GALNT18: variants seen among roughly 807,000 people sequenced by gnomAD.
The protein encoded by GALNT18 is GalNAc-transferase 18.
GALNT18 carries 44 observed loss-of-function variants against 69.5 expected under a neutral mutation model. The ratio of observed to expected loss-of-function variants is 0.63; its 90% CI spans 0.50 to 0.81. The LOEUF is 0.81. GALNT18 is among the 40% of genes least tolerant of loss of function. The pLI, the probability that GALNT18 is intolerant of heterozygous loss-of-function variation, is 0.00. For missense variants in GALNT18, 715 were observed against 810.0 expected, an observed-to-expected ratio of 0.88 and a Z score of 1.42; for synonymous variants, 364 against 318.2, an observed-to-expected ratio of 1.14 and a Z score of -1.53.
intron 3 of GALNT18, among the ~76,000 whole-genome samples, chr11:11,386,488 T>A (rs533495401): frequency 5.3e-5 from 8 of 152,322 alleles, no homozygotes; most frequent in Admixed American, 2.0e-4. Flanking sequence ...ACTTGCCTGG[T>A]TCTTGAAAGC....
rs1278591763 is a variant in GALNT18 at position 11,463,095 on chromosome 11, C to T, written c.236-14159G>A. 6.6e-6 allele frequency among the ~76,000 whole-genome samples: 1 copy of T among 152,084 alleles called. No homozygotes were observed. Among genetic ancestry groups the T allele is most frequent in the East Asian group, 1.9e-4 (1 of 5,174 alleles). On this transcript the variant is annotated intron_variant, in intron 1 of 10. Transcript: ENST00000227756. The surrounding 1 kb of genome is among the most constrained non-coding windows in gnomAD (Gnocchi z 4.2). Reference sequence around the variant, plus strand: ...GTGTGGAGAGAGAGGATATCAATCACAAGACCCTGGAACTATTAGTACAGT... The same window carrying T: ...GTGTGGAGAGAGAGGATATCAATCATAAGACCCTGGAACTATTAGTACAGT...
chr11:11,362,392 T>C (rs1850662853), intron 6 of GALNT18, among the ~76,000 whole-genome samples: 1 of 152,032 alleles, frequency 6.6e-6, no homozygotes, highest in Non-Finnish European at 1.5e-5. Context: ...ACACGAGAAG[T>C]AAAATCAAGA....
At chr11:11,388,789 A>T (rs967243373) in intron 3 of GALNT18, among the ~76,000 whole-genome samples, 5 of 152,234 alleles carry the variant, frequency 3.3e-5, no homozygotes, top group Non-Finnish European at 7.3e-5. Flanking sequence ...TCATTCACTC[A>T]ACAATGATAT....
intron 9 of GALNT18, among the ~76,000 whole-genome samples, chr11:11,307,893 C>T (rs760885587): frequency 3.9e-5 from 6 of 152,156 alleles, no homozygotes; most frequent in Non-Finnish European, 7.4e-5. Flanking sequence ...GTGATGGGAA[C>T]GAAGTTCAGT....
intron 6 of GALNT18, among the ~76,000 whole-genome samples, chr11:11,357,992 AACATCTGTGATTTTCCACCAAT>A (rs1338922808): frequency 1.3e-5 from 2 of 152,148 alleles, no homozygotes; most frequent in African/African-American, 4.8e-5. Flanking sequence ...GCCTTTCCCT[AACATCTGTGATTTTCCACCAAT>A]ACAGCTCCTA....
chr11:11,554,002 G>A (rs2133973107), intron 1 of GALNT18, among the ~76,000 whole-genome samples: 1 of 152,274 alleles, frequency 6.6e-6, no homozygotes, highest in Admixed American at 6.5e-5. Flanking sequence ...CTTCTGCACT[G>A]CTGGCCCACC....
rs115862344 is a variant in GALNT18, at chr11:11,429,797, C to T, written c.595+2824G>A. On this transcript the variant is annotated intron_variant, in intron 3 of 10. Coordinates refer to ENST00000227756, the MANE Select transcript of GALNT18 (RefSeq NM_198516.3). ...AAATATGTTCAAAAGTGAAGCCACA[C>T]GTTATTCCTGAAACTAAAGCTTCTC... Among the ~76,000 whole-genome samples, 558 of 152,278 alleles carry T rather than the reference C, an allele frequency of 3.7e-3. 5 individuals carry two copies. The highest frequency in any genetic ancestry group is 0.013 in the African/African-American group (529 of 41,544).
At chr11:11,468,933 A>G (rs1376679870) in intron 1 of GALNT18, among the ~76,000 whole-genome samples, 1 of 152,144 alleles carries the variant, frequency 6.6e-6, no homozygotes, top group East Asian at 1.9e-4. Context: ...GTGAATGAGT[A>G]TTGCTGGTGG....
chr11:11,342,634 G>C (rs1057391341), intron 6 of GALNT18, among the ~76,000 whole-genome samples: 4 of 152,156 alleles, frequency 2.6e-5, no homozygotes, highest in Non-Finnish European at 5.9e-5. Flanking sequence ...TATAACTTAG[G>C]ACCAATAGAA....
chr11:11,353,082 G>A (rs780225559), intron 6 of GALNT18: 13 of 1,614,168 alleles, frequency 8.1e-6, no homozygotes, highest in Non-Finnish European at 1.1e-5. Flanking sequence ...ATTAACATCT[G>A]TGTAAACTCT....
At chr11:11,395,048 G>C (rs548324444) in intron 3 of GALNT18, among the ~76,000 whole-genome samples, 1 of 152,252 alleles carries the variant, frequency 6.6e-6, no homozygotes, top group African/African-American at 2.4e-5. Flanking sequence ...TCCAGGTTCA[G>C]AACTGGGGTT....
In GALNT18 at chr11:11,606,599, C is replaced by T. The variant is rs1407240935; in HGVS notation, c.235+14760G>A. 6.6e-6 allele frequency among the ~76,000 whole-genome samples: 1 copy of T among 152,110 alleles called. No homozygotes were observed. Among genetic ancestry groups the T allele is most frequent in the African/African-American group, 2.4e-5 (1 of 41,402 alleles). On this transcript the variant is annotated intron_variant, in intron 1 of 10. Coordinates refer to ENST00000227756, the MANE Select transcript of GALNT18 (RefSeq NM_198516.3). This position sits in a 1 kb window ranked among gnomAD's most constrained non-coding sequence, Gnocchi z 5.4. ...CAGCATCACTAGGAGCTGTTGGACC[C>T]GAAGTCAGGCTCTGGTCAGCAGGCC... is the stretch of plus-strand genomic sequence containing the variant.
intron 1 of GALNT18, among the ~76,000 whole-genome samples, chr11:11,534,747 T>C (rs1857736464): frequency 1.3e-5 from 2 of 152,278 alleles, no homozygotes; most frequent in African/African-American, 4.8e-5. Flanking sequence ...TGCTGGATTC[T>C]TGATATATTC....
At chr11:11,554,094 C>G (rs1036183923) in intron 1 of GALNT18, among the ~76,000 whole-genome samples, 7 of 152,206 alleles carry the variant, frequency 4.6e-5, no homozygotes, top group Non-Finnish European at 1.0e-4. Flanking sequence ...GCGTCCTCCC[C>G]GGTGGTCACC....
intron 3 of GALNT18, among the ~76,000 whole-genome samples, chr11:11,419,245 C>T (rs1328463538): frequency 2.0e-5 from 3 of 152,156 alleles, no homozygotes; most frequent in South Asian, 2.1e-4. Flanking sequence ...CCTTCCTGCT[C>T]ACTAGTCAGA....
In GALNT18 at chr11:11,620,351, A is replaced by ATGTGTGTGTG. The variant is rs1158290164; in HGVS notation, c.235+1007_235+1008insCACACACACA. Among the ~76,000 whole-genome samples, 6 of 151,224 alleles carry ATGTGTGTGTG rather than the reference A, an allele frequency of 4.0e-5. No homozygotes were observed. Among genetic ancestry groups the ATGTGTGTGTG allele is most frequent in the African/African-American group, 1.2e-4 (5 of 40,942 alleles). On this transcript the variant is annotated intron_variant, in intron 1 of 10. Transcript: ENST00000227756. This position sits in a 1 kb window ranked among gnomAD's most constrained non-coding sequence, Gnocchi z 6.9. ...CGCGCGCGTGTGTGTGTGTGTGTGC[A>ATGTGTGTGTG]CACCCGGCACCAGTGCTCCTGGCGC...
In GALNT18 at chr11:11,271,168, G is replaced by C. The variant is rs367634043; in HGVS notation, c.1800C>G (p.Asn600Lys). The change falls in exon 11 of 11, where the codon AAC (asparagine) becomes AAG (lysine). Residue 600 changes from asparagine (N) to lysine (K), a missense_variant. Coordinates refer to ENST00000227756, the MANE Select transcript of GALNT18 (RefSeq NM_198516.3). ...KCSGQHWSIT[N>K]VLRSLAS ...GTCAGGACGCGAGGCTCCTCAGGAC[G>C]TTGGTGATGCTCCAGTGCTGGCCCG... The C allele has an allele frequency of 6.2e-7, 1 of 1,613,746 alleles. No individual in the cohort carries two copies. The highest frequency in any genetic ancestry group is 1.3e-5 in the African/African-American group (1 of 75,036).
rs149062054 is a variant in GALNT18 at position 11,409,467 on chromosome 11, G to A, written c.595+23154C>T. Among the ~76,000 whole-genome samples the A allele has an allele frequency of 1.3e-4, 20 of 152,228 alleles. 1 individual carries two copies. In the East Asian group the frequency reaches 3.1e-3, roughly 24 times the overall value. On this transcript the variant is annotated intron_variant, in intron 3 of 10. Transcript: ENST00000227756. ...CCACCCGGCCACAGTCCTGGGACTC[G>A]TCAGATCTCTATCTTCACCACAAGC...
At position 11,463,458 on chromosome 11, in the gene GALNT18, T is replaced by C. The variant is rs568220831; in HGVS notation, c.236-14522A>G. ...AAATGTAGTGTACAGTGCAGAAGGA[T>C]AAATACGAGCCAGGGCCCCAGCGAG... On this transcript the variant is annotated intron_variant, in intron 1 of 10. Transcript: ENST00000227756. This position sits in a 1 kb window ranked among gnomAD's most constrained non-coding sequence, Gnocchi z 4.2. Among the ~76,000 whole-genome samples the C allele has an allele frequency of 1.3e-5, 2 of 152,190 alleles. No individual in the cohort carries two copies. Among genetic ancestry groups the C allele is most frequent in the Non-Finnish European group, 2.9e-5 (2 of 68,028 alleles).
Sources: gnomAD v4.1 joint callset for allele counts (sites outside exome capture counted in the v4.1 genomes callset) on GRCh38, gnomAD v4.1.1 for gene constraint, Gnocchi (gnomAD v3.1) non-coding constraint, MANE v1.5 for transcripts, NCBI Gene and HGNC (gene_info 2026-07-23, HGNC 2026-07-21) for gene names.